The following SPAST variants were observed in gnomAD, a reference collection of about 807,000 sequenced individuals.
The protein encoded by SPAST is spastin.
Under a neutral mutation model 76.6 loss-of-function variants are expected in SPAST, and 30 were observed. That is an observed-to-expected ratio of 0.39 (90% CI 0.29 to 0.53). The LOEUF (loss-of-function observed/expected upper bound fraction) is 0.53, where lower values mean the gene tolerates loss of function less well. SPAST is among the 20% of genes least tolerant of loss of function. SPAST has a pLI of 0.68. For missense variants in SPAST, 717 were observed against 770.5 expected (o/e 0.93, Z 0.82); for synonymous variants, 305 against 281.0 (o/e 1.09, Z -0.86).
At chr2:32,113,308 C>T (rs1041753766) in intron 4 of SPAST, among the ~76,000 whole-genome samples, 1 of 151,736 alleles carries the variant, frequency 6.6e-6, no homozygotes, top group Admixed American at 6.6e-5. Context: ...TGGTCTTGAA[C>T]TCCATACCTC....
intron 3 of SPAST, among the ~76,000 whole-genome samples, chr2:32,092,179 T>TA (rs1046662824): frequency 6.6e-6 from 1 of 152,212 alleles, no homozygotes; most frequent in Admixed American, 6.5e-5. Context: ...ATGCAGCCGT[T>TA]ACTGCTTTCA....
intron 3 of SPAST, among the ~76,000 whole-genome samples, chr2:32,093,729 A>G (rs974536525): frequency 5.9e-5 from 9 of 152,298 alleles, no homozygotes; most frequent in Admixed American, 1.3e-4. Flanking sequence ...AATATTTGCC[A>G]AGTTAATGAA....
At chr2:32,073,326 C>G (rs951303183) in intron 1 of SPAST, among the ~76,000 whole-genome samples, 1 of 152,150 alleles carries the variant, frequency 6.6e-6, no homozygotes, top group Non-Finnish European at 1.5e-5. Context: ...AGCCACTGCA[C>G]CTGGCTGGAT....
In SPAST at chr2:32,136,581, T is replaced by C. The variant is rs931666015; in HGVS notation, c.1264T>C (p.Leu422=). 1 of 1,613,356 alleles carries C rather than the reference T, an allele frequency of 6.2e-7. No individual in the cohort carries two copies. The highest frequency in any genetic ancestry group is 2.2e-5 in the East Asian group (1 of 44,846). ...GTTTTAGGTGGGAGAAGGAGAGAAA[T>C]TGGTGAGGGCTCTTTTTGCTGTGGC... ...TSKYVGEGEK[L]VRALFAVARE... Residue 422 remains leucine, a synonymous_variant, in exon 10 of 17, where the codon TTG becomes CTG. Coordinates refer to ENST00000315285, the MANE Select transcript of SPAST (RefSeq NM_014946.4).
intron 1 of SPAST, among the ~76,000 whole-genome samples, chr2:32,081,158 C>T (rs1182038469): frequency 6.6e-6 from 1 of 151,580 alleles, no homozygotes; most frequent in Non-Finnish European, 1.5e-5. Flanking sequence ...GGGGTTTCAC[C>T]ATCTTGGCCA....
At chr2:32,125,933 G>A (rs375011390) in intron 7 of SPAST, among the ~76,000 whole-genome samples, 70 of 151,932 alleles carry the variant, frequency 4.6e-4, no homozygotes, top group East Asian at 4.3e-3. Flanking sequence ...TAGCTGGGAC[G>A]ACAGGCACCC....
intron 1 of SPAST, among the ~76,000 whole-genome samples, chr2:32,075,932 G>A (rs1312570418): frequency 2.6e-4 from 30 of 113,476 alleles, no homozygotes; most frequent in African/African-American, 9.2e-4. Flanking sequence ...ACAGAGTCTC[G>A]CTCTGTCGCC....
intron 2 of SPAST, among the ~76,000 whole-genome samples, chr2:32,087,886 A>ATTG (rs1292347604): frequency 1.5e-4 from 22 of 148,222 alleles, no homozygotes; most frequent in Admixed American, 6.8e-5. Context: ...TATTATTATT[A>ATTG]TTATTACTAG....
intron 1 of SPAST, 53 bp from the exon 2 acceptor site, chr2:32,087,439 A>G: frequency 9.1e-7 from 1 of 1,097,200 alleles, no homozygotes; most frequent in Non-Finnish European, 1.4e-6. Flanking sequence ...CATGATTTGC[A>G]ATATTTAGTG....
At chr2:32,091,259 A>G in intron 3 of SPAST, among the ~76,000 whole-genome samples, 1 of 132,814 alleles carries the variant, frequency 7.5e-6, no homozygotes, top group Middle Eastern at 3.8e-3. Context: ...TATTATTATT[A>G]TTATTATTAT....
At chr2:32,134,877 G>A (rs1297297792) in intron 9 of SPAST, among the ~76,000 whole-genome samples, 1 of 150,612 alleles carries the variant, frequency 6.6e-6, no homozygotes, top group Non-Finnish European at 1.5e-5. Context: ...TGTAGTTTTA[G>A]TAGACACAGG....
At chr2:32,100,680 A>G (rs1678087201) in intron 4 of SPAST, among the ~76,000 whole-genome samples, 4 of 151,892 alleles carry the variant, frequency 2.6e-5, no homozygotes, top group African/African-American at 7.3e-5. Flanking sequence ...CTCATTGTTC[A>G]GTTCCCATCT....
chr2:32,127,968 T>C, intron 8 of SPAST: 1 of 183,666 alleles, frequency 5.4e-6, no homozygotes, highest in Non-Finnish European at 1.2e-5. Flanking sequence ...TTGGGGATTG[T>C]ATTATACCTT....
intron 6 of SPAST, 95 bp downstream of exon 6, chr2:32,115,930 TGTC>T (rs1678816792): frequency 1.9e-6 from 2 of 1,072,996 alleles, no homozygotes; most frequent in African/African-American, 3.2e-5. Flanking sequence ...ATAAATACCT[TGTC>T]TGGTTTACAT....
chr2:32,068,422 A>C (rs1425251146), intron 1 of SPAST, among the ~76,000 whole-genome samples: 2 of 150,884 alleles, frequency 1.3e-5, no homozygotes, highest in Non-Finnish European at 3.0e-5. Context: ...CCCAGGTTCA[A>C]GCGATTCTCC....
At position 32,063,624 on chromosome 2, in the gene SPAST, G is replaced by A. The variant is rs1676370849; in HGVS notation, c.-208G>A. 3.3e-6 allele frequency: 2 copies of A among 607,468 alleles called. No homozygotes were observed. Among genetic ancestry groups the A allele is most frequent in the Admixed American group, 3.4e-5 (1 of 29,818 alleles). The allele number at this position is 607,468 out of a possible 1,614,324, so 37.6% of individuals were successfully genotyped here. ...CAGGAAGGGAGGGGCCCGAGCCACCGACTGCAGGAGGAGAAGGGGTTGTGC... is the reference window on the plus strand; with the variant it reads ...CAGGAAGGGAGGGGCCCGAGCCACCAACTGCAGGAGGAGAAGGGGTTGTGC... On this transcript the variant is annotated 5_prime_UTR_variant, in exon 1 of 17. Coordinates refer to ENST00000315285, the MANE Select transcript of SPAST (RefSeq NM_014946.4).
intron 16 of SPAST, 79 bp downstream of exon 16, chr2:32,147,337 T>C: frequency 1.5e-6 from 1 of 681,236 alleles, no homozygotes; most frequent in Non-Finnish European, 2.3e-6. Context: ...TGAATGTGTG[T>C]GTGTGTGGTT....
chr2:32,134,787 T>G (rs1028247175), intron 9 of SPAST, among the ~76,000 whole-genome samples: 3 of 151,718 alleles, frequency 2.0e-5, no homozygotes, highest in Non-Finnish European at 2.9e-5. Context: ...CCTCCAACTC[T>G]CAGGTTCAAG....
Position 32,064,144 on chromosome 2 carries a change from C to T in SPAST, c.313C>T (p.Pro105Ser). Reference protein sequence around the residue: ...AAPAPASASAPAPVPGGEAER... With the variant: ...AAPAPASASASAPVPGGEAER... ...GCCAGCACCTGCCTCGGCCTCGGCC[C>T]CGGCGCCGGTGCCGGGCGGCGAGGC... The change falls in exon 1 of 17, where the codon CCG (proline) becomes TCG (serine). Residue 105 changes from proline (P) to serine (S), a missense_variant. Pro to Ser is a moderately conservative substitution (Grantham distance 74). Around this residue, in one of 3 missense-constraint regions of SPAST, gnomAD observed 543 missense variants for 445.2 expected, o/e 1.22. Transcript: ENST00000315285. The T allele has an allele frequency of 6.4e-7, 1 of 1,564,870 alleles. No individual in the cohort carries two copies. Among genetic ancestry groups the T allele is most frequent in the Non-Finnish European group, 8.7e-7 (1 of 1,155,580 alleles).
Sources: gnomAD v4.1 joint callset for allele counts (sites outside exome capture counted in the v4.1 genomes callset) on GRCh38, gnomAD v4.1.1 for gene constraint, gnomAD v4.1.1 regional missense constraint, MANE v1.5 for transcripts, NCBI Gene and HGNC (gene_info 2026-07-23, HGNC 2026-07-21) for gene names.